ADAM10: variants seen among roughly 807,000 people sequenced by gnomAD.
ADAM10 encodes the protein disintegrin and metalloproteinase domain-containing protein 10.
In ADAM10, 17 loss-of-function variants were observed where a neutral mutation model predicts 90.1. The observed-to-expected ratio is 0.19, with a 90% CI of 0.13 to 0.28. ADAM10 has a LOEUF of 0.28. Ranked by LOEUF, ADAM10 falls within the 10% of genes least tolerant of loss-of-function variation. ADAM10 has a pLI of 1.00. For synonymous variants in ADAM10, 310 were observed against 298.6 expected (o/e 1.04, Z -0.40); for missense variants, 610 against 914.3 (o/e 0.67, Z 4.29).
chr15:58,712,775 A>C (rs963443918), intron 2 of ADAM10, among the ~76,000 whole-genome samples: 5 of 151,950 alleles, frequency 3.3e-5, no homozygotes, highest in Non-Finnish European at 5.9e-5. Flanking sequence ...GCAGTAAGCC[A>C]AGTTCCCCCC....
intron 4 of ADAM10, among the ~76,000 whole-genome samples, chr15:58,665,501 C>T (rs1443342068): frequency 6.6e-6 from 1 of 152,076 alleles, no homozygotes. Context: ...ATTCGGCTGT[C>T]ACCAAGAGAA....
chr15:58,670,543 G>C (rs976734972), intron 4 of ADAM10, among the ~76,000 whole-genome samples: 2 of 152,034 alleles, frequency 1.3e-5, no homozygotes, highest in African/African-American at 4.8e-5. Flanking sequence ...GGAAACAGCA[G>C]AATTTTATGT....
intron 1 of ADAM10, among the ~76,000 whole-genome samples, chr15:58,727,244 G>T (rs1182410328): frequency 6.9e-5 from 9 of 129,828 alleles, no homozygotes; most frequent in African/African-American, 1.5e-4. Context: ...AGGCCGTAGC[G>T]CAACGGCGCA....
chr15:58,712,402 T>G (rs1011820243), intron 2 of ADAM10, among the ~76,000 whole-genome samples: 1 of 151,566 alleles, frequency 6.6e-6, no homozygotes, highest in East Asian at 1.9e-4. Flanking sequence ...TGTGTGCCTG[T>G]AGTCCCAGCT....
At chr15:58,649,580 T>G (rs78133691) in intron 5 of ADAM10, among the ~76,000 whole-genome samples, 1 of 152,222 alleles carries the variant, frequency 6.6e-6, no homozygotes, top group Non-Finnish European at 1.5e-5. Flanking sequence ...TAGAGCATCC[T>G]AGAGGATGGC....
chr15:58,612,143 C>T (rs1895456292), intron 11 of ADAM10, 152 bp from the exon 12 acceptor site: 8 of 832,714 alleles, frequency 9.6e-6, no homozygotes, highest in Non-Finnish European at 1.3e-5. Context: ...TACTGGTATA[C>T]AACTTCAAAA....
In ADAM10 at chr15:58,717,852, G is replaced by C. The variant is rs1314710971; in HGVS notation, c.56-125C>G. On this transcript the variant is annotated intron_variant, in intron 1 of 15. Transcript: ENST00000260408. ...TTCTCCCTAATCCCAGCACTATTAT[G>C]AATTCTGCATTAATATTAACACATA... 7 of 1,354,944 alleles carry C rather than the reference G, an allele frequency of 5.2e-6. No individual in the cohort carries two copies. In the Admixed American group the frequency reaches 1.5e-4, roughly 28 times the overall value. 83.9% of individuals were successfully genotyped at this position (1,354,944 alleles called of 1,614,324 possible).
intron 2 of ADAM10, among the ~76,000 whole-genome samples, chr15:58,711,348 T>C (rs1235315723): frequency 6.6e-6 from 1 of 152,206 alleles, no homozygotes; most frequent in Non-Finnish European, 1.5e-5. Context: ...AAACTTAGTA[T>C]ACTAATATAT....
At chr15:58,677,063 T>C (rs1359099511) in intron 4 of ADAM10, among the ~76,000 whole-genome samples, 3 of 152,332 alleles carry the variant, frequency 2.0e-5, no homozygotes, top group African/African-American at 7.2e-5. Flanking sequence ...TTTCTTGTCT[T>C]AAACCATGGT....
intron 1 of ADAM10, among the ~76,000 whole-genome samples, chr15:58,722,843 T>C (rs529268173): frequency 3.2e-4 from 48 of 148,394 alleles, no homozygotes; most frequent in African/African-American, 1.1e-3. Flanking sequence ...GTGATTCTCC[T>C]ACATCAGCCT....
chr15:58,654,847 CAG>C (rs2140710807), intron 5 of ADAM10, among the ~76,000 whole-genome samples: 1 of 152,264 alleles, frequency 6.6e-6, no homozygotes, highest in South Asian at 2.1e-4. Context: ...CAAGTGTAGT[CAG>C]AGAAGATACC....
At chr15:58,649,199 A>G (rs1046176186) in intron 5 of ADAM10, among the ~76,000 whole-genome samples, 1 of 151,870 alleles carries the variant, frequency 6.6e-6, no homozygotes, top group Admixed American at 6.6e-5. Flanking sequence ...TTCCCCCATT[A>G]GCTTGTTAGT....
intron 11 of ADAM10, among the ~76,000 whole-genome samples, chr15:58,613,810 T>G (rs1895521961): frequency 6.6e-6 from 1 of 152,018 alleles, no homozygotes. Flanking sequence ...GTGAATAAAT[T>G]TTCATATTAT....
intron 2 of ADAM10, among the ~76,000 whole-genome samples, chr15:58,710,837 G>T (rs1165339178): frequency 6.6e-6 from 1 of 152,084 alleles, no homozygotes; most frequent in Non-Finnish European, 1.5e-5. Context: ...TCTTACCTCT[G>T]CTTCTCAAAG....
At position 58,605,512 on chromosome 15, in the gene ADAM10, A is replaced by T. The variant is rs528093528; in HGVS notation, c.2025+4785T>A. Among the ~76,000 whole-genome samples the T allele has an allele frequency of 8.5e-5, 13 of 152,370 alleles. 1 individual carries two copies. The South Asian group carries it at 2.7e-3, about 32-fold the overall frequency. The stretch of plus-strand genomic sequence containing the variant: ...ATGCTATCCCCTTTAAATATACTAT[A>T]AAATCAGGGAAAGGAATACTAACTA... On this transcript the variant is annotated intron_variant, in intron 14 of 15. Coordinates refer to ENST00000260408, the MANE Select transcript of ADAM10 (RefSeq NM_001110.4).
chr15:58,615,396 C>A (rs77604201), intron 11 of ADAM10, among the ~76,000 whole-genome samples: 4,135 of 151,992 alleles, frequency 0.027, 79 homozygotes, highest in Non-Finnish European at 0.043. Context: ...AAAGACACAA[C>A]CTGGCTGAAT....
chr15:58,679,361 T>A, intron 3 of ADAM10, 79 bp from the exon 4 acceptor site: 14 of 1,212,516 alleles, frequency 1.2e-5, no homozygotes, highest in Non-Finnish European at 1.6e-5. Flanking sequence ...TGTATATATG[T>A]GTGTATATAT....
intron 8 of ADAM10, 84 bp from the exon 9 acceptor site, chr15:58,633,443 A>T: frequency 8.5e-7 from 1 of 1,179,082 alleles, no homozygotes; most frequent in African/African-American, 1.5e-5. Context: ...TTAAATGAAA[A>T]CATTTTATAT....
intron 2 of ADAM10, among the ~76,000 whole-genome samples, chr15:58,715,666 C>G (rs1898635096): frequency 6.6e-6 from 1 of 152,162 alleles, no homozygotes; most frequent in African/African-American, 2.4e-5. Context: ...TAACTTTTCA[C>G]TAGCAGTCAG....
Sources: gnomAD v4.1 joint callset for allele counts (sites outside exome capture counted in the v4.1 genomes callset) on GRCh38, gnomAD v4.1.1 for gene constraint, MANE v1.5 for transcripts, NCBI Gene and HGNC (gene_info 2026-07-23, HGNC 2026-07-21) for gene names.